LRP5: variants seen among roughly 807,000 people sequenced by gnomAD.
LRP5 encodes the protein LDL receptor related protein 5, also known as low-density lipoprotein receptor-related protein 5.
Under a neutral mutation model 154.1 loss-of-function variants are expected in LRP5, and 62 were observed. The ratio of observed to expected loss-of-function variants is 0.40; its 90% confidence interval spans 0.33 to 0.50. The LOEUF is 0.50. Ranked by LOEUF, LRP5 falls within the 20% of genes least tolerant of loss-of-function variation. The pLI is 0.55. For synonymous variants in LRP5, 966 were observed against 1,011.5 expected (o/e 0.96, Z 0.85); for missense variants, 1,915 against 2,336.7 (o/e 0.82, Z 3.72).
intron 1 of LRP5, among the ~76,000 whole-genome samples, chr11:68,347,313 C>T (rs2098613914): frequency 6.6e-6 from 1 of 152,200 alleles, no homozygotes; most frequent in African/African-American, 2.4e-5. Flanking sequence ...GGAAACGGGC[C>T]TGAGCTTGGA....
intron 13 of LRP5, among the ~76,000 whole-genome samples, chr11:68,422,665 T>C (rs2098666470): frequency 1.3e-5 from 2 of 152,068 alleles, no homozygotes; most frequent in Admixed American, 6.5e-5. Context: ...CGGAGAGTCC[T>C]TGAGAGTCAC....
At chr11:68,299,894 A>ATTTG in the LRP5 span, among the ~76,000 whole-genome samples, 12 of 146,488 alleles carry the variant, frequency 8.2e-5, 2 homozygotes, top group Admixed American at 7.5e-4. Flanking sequence ...TTTTTTGTTT[A>ATTTG]TTTGTTTGTT....
In LRP5 at chr11:68,342,213, C is replaced by T. The variant is rs151192551; in HGVS notation, c.92-5634C>T. On this transcript the variant is annotated intron_variant, in intron 1 of 22. Coordinates refer to ENST00000294304, the MANE Select transcript of LRP5 (RefSeq NM_002335.4). ...GGGATTATAGGTGTGAGCTACGGAG[C>T]CGGCCCTTCCCTTCTACTCTGCTAC... Among the ~76,000 whole-genome samples the T allele has an allele frequency of 3.3e-3, 505 of 152,220 alleles. 1 individual carries two copies. The highest frequency in any genetic ancestry group is 0.011 in the African/African-American group (472 of 41,536).
intron 18 of LRP5, among the ~76,000 whole-genome samples, chr11:68,436,527 C>T (rs548440183): frequency 5.3e-5 from 8 of 151,708 alleles, no homozygotes; most frequent in East Asian, 1.9e-4. Flanking sequence ...CGAGGCTCCT[C>T]GTGGCCATTC....
At position 68,357,739 on chromosome 11, in the gene LRP5, A is replaced by T. The variant is rs1399963722; in HGVS notation, c.578A>T (p.Asp193Val). ...ACCCGGAAGATCATTGTGGACTCGGACATTTACTGGCCCAATGGACTGACC... is the reference window on the plus strand; with the variant it reads ...ACCCGGAAGATCATTGTGGACTCGGTCATTTACTGGCCCAATGGACTGACC... ...GSTRKIIVDSDIYWPNGLTID... is the reference protein window; with the variant it reads ...GSTRKIIVDSVIYWPNGLTID... Residue 193 changes from aspartate (D) to valine (V), a missense_variant, in exon 3 of 23, where the codon GAC becomes GTC. Transcript: ENST00000294304. The T allele has an allele frequency of 6.2e-7, 1 of 1,614,178 alleles. No homozygotes were observed. The highest frequency in any genetic ancestry group is 1.1e-5 in the South Asian group (1 of 91,074).
chr11:68,407,028 T>G (rs1466076190), intron 9 of LRP5, among the ~76,000 whole-genome samples: 1 of 152,126 alleles, frequency 6.6e-6, no homozygotes, highest in Non-Finnish European at 1.5e-5. Flanking sequence ...TGTGAAATGC[T>G]TGTGTGAATG....
At chr11:68,318,296 C>T (rs1055342017) in intron 1 of LRP5, among the ~76,000 whole-genome samples, 5 of 151,170 alleles carry the variant, frequency 3.3e-5, no homozygotes, top group Admixed American at 6.6e-5. Context: ...TCCTCCCGCT[C>T]GGCTTCCCAA....
rs769234328 is a variant in LRP5 at position 68,426,010 on chromosome 11, A to G, written c.3460A>G (p.Ile1154Val). ...ANRLTLEDANIVQPLGLTILG... is the reference protein window; with the variant it reads ...ANRLTLEDANVVQPLGLTILG... ...CCGCCTGACCCTGGAGGACGCCAAC[A>G]TCGTGCAGCCTCTGGGCCTGACCAT... The change falls in exon 16 of 23, where the codon ATC becomes GTC. Residue 1154 changes from isoleucine to valine, a missense_variant. By Grantham distance (29) the Ile-to-Val change is conservative. Coordinates refer to ENST00000294304, the MANE Select transcript of LRP5 (RefSeq NM_002335.4). The G allele has an allele frequency of 1.9e-6, 3 of 1,612,926 alleles. No individual in the cohort carries two copies. The highest frequency in any genetic ancestry group is 1.1e-5 in the South Asian group (1 of 91,088).
chr11:68,348,101 G>C lies in LRP5; in HGVS notation c.346G>C (p.Asp116His), dbSNP rs778613031. ...GGTCTCTCCCGACGGCCTCGCCTGC[G>C]ACTGGGTGGGCAAGAAGCTGTACTG... is the stretch of plus-strand genomic sequence containing the variant. ...GLVSPDGLAC[D>H]WVGKKLYWTD... Residue 116 changes from aspartate to histidine, a missense_variant, in exon 2 of 23, where the codon GAC becomes CAC. Physicochemically the swap from Asp to His is moderately conservative, Grantham distance 81. Transcript: ENST00000294304. 1 of 1,614,102 alleles carries C rather than the reference G, an allele frequency of 6.2e-7. No individual in the cohort carries two copies. Among genetic ancestry groups the C allele is most frequent in the Admixed American group, 1.7e-5 (1 of 60,012 alleles).
At chr11:68,376,312 G>A (rs2153146704) in intron 5 of LRP5, among the ~76,000 whole-genome samples, 1 of 151,940 alleles carries the variant, frequency 6.6e-6, no homozygotes, top group East Asian at 1.9e-4. Context: ...CTCCCGAGTA[G>A]CTTGGACTAT....
chr11:68,388,470 C>T (rs961720774), intron 6 of LRP5, among the ~76,000 whole-genome samples: 5 of 152,084 alleles, frequency 3.3e-5, no homozygotes, highest in African/African-American at 7.2e-5. Context: ...GAGCTGGAAG[C>T]GGGAGGCAGA....
chr11:68,355,685 G>T (rs1181593831), intron 2 of LRP5, among the ~76,000 whole-genome samples: 3 of 152,244 alleles, frequency 2.0e-5, no homozygotes, highest in East Asian at 3.9e-4. Flanking sequence ...TGGTTCATTG[G>T]CCAGAGATCA....
At chr11:68,357,262 T>C (rs2098623886) in intron 2 of LRP5, among the ~76,000 whole-genome samples, 1 of 152,140 alleles carries the variant, frequency 6.6e-6, no homozygotes. Flanking sequence ...TACCACTAAA[T>C]AATATTCCAT....
intron 16 of LRP5, among the ~76,000 whole-genome samples, chr11:68,427,830 G>C (rs549325618): frequency 1.4e-4 from 22 of 152,284 alleles, no homozygotes; most frequent in African/African-American, 5.1e-4. Flanking sequence ...TTCCACCTGG[G>C]TGTGGTCAGC....
rs778882996 is a variant in LRP5 at position 68,438,658 on chromosome 11, G to A, written c.4324G>A (p.Gly1442Ser). The A allele has an allele frequency of 8.7e-6, 14 of 1,612,922 alleles. No homozygotes were observed. The highest frequency in any genetic ancestry group is 3.3e-4 in the Middle Eastern group (2 of 6,042). ...HVPLNFIAPG[G>S]SQHGPFTGIA... ...GCCCCTCAATTTCATAGCCCCGGGC[G>A]GTTCCCAGCATGGCCCCTTCACAGG... Residue 1442 changes from glycine (G) to serine (S), a missense_variant, in exon 20 of 23, where the codon GGT (glycine) becomes AGT (serine). Gly to Ser is a moderately conservative substitution (Grantham distance 56). This residue lies in a region of LRP5 where 1,094 missense variants were observed against 1,210.1 expected (regional missense o/e 0.90). Transcript: ENST00000294304.
intron 3 of LRP5, among the ~76,000 whole-genome samples, chr11:68,360,819 A>G (rs185434546): frequency 0.023 from 3,447 of 150,910 alleles, 137 homozygotes; most frequent in African/African-American, 0.08. Context: ...AACACGGTGA[A>G]ACCTCGTCTC....
At chr11:68,324,870 T>G (rs559297963) in intron 1 of LRP5, among the ~76,000 whole-genome samples, 1 of 152,124 alleles carries the variant, frequency 6.6e-6, no homozygotes, top group Admixed American at 6.5e-5. Context: ...TGATGAGAGA[T>G]CTCCAGGATC....
Position 68,426,034 on chromosome 11 carries a change from A to G in LRP5, c.3484A>G (p.Ile1162Val), listed in dbSNP as rs750114132. ...CATCGTGCAGCCTCTGGGCCTGACCATCCTTGGCAAGCATCTCTACTGGAT... is the reference window on the plus strand; with the variant it reads ...CATCGTGCAGCCTCTGGGCCTGACCGTCCTTGGCAAGCATCTCTACTGGAT... ...ANIVQPLGLT[I>V]LGKHLYWIDR... The change falls in exon 16 of 23, where the codon ATC (isoleucine) becomes GTC (valine). Residue 1162 changes from isoleucine to valine, a missense_variant. Physicochemically the swap from Ile to Val is conservative, Grantham distance 29. Around this residue, in one of 3 missense-constraint regions of LRP5, gnomAD observed 1,094 missense variants for 1,210.1 expected, o/e 0.90. Transcript: ENST00000294304. 13 of 1,613,510 alleles carry G rather than the reference A, an allele frequency of 8.1e-6. No homozygotes were observed. The highest frequency in any genetic ancestry group is 1.1e-5 in the South Asian group (1 of 91,084).
Position 68,411,553 on chromosome 11 carries a change from C to G in LRP5, c.2436C>G (p.Asp812Glu). ...GCCGGGCCAACGACCTCACCATTGA[C>G]TACGCTGACCAGCGCCTCTACTGGA... Reference protein sequence around the residue: ...KVGRANDLTIDYADQRLYWTD... With the variant: ...KVGRANDLTIEYADQRLYWTD... The change falls in exon 11 of 23, where the codon GAC becomes GAG. Residue 812 changes from aspartate to glutamate, a missense_variant. Transcript: ENST00000294304. The G allele has an allele frequency of 6.2e-7, 1 of 1,613,832 alleles. No individual in the cohort carries two copies. The highest frequency in any genetic ancestry group is 8.5e-7 in the Non-Finnish European group (1 of 1,180,040).
Sources: gnomAD v4.1 joint callset for allele counts (sites outside exome capture counted in the v4.1 genomes callset) on GRCh38, gnomAD v4.1.1 for gene constraint, gnomAD v4.1.1 regional missense constraint, MANE v1.5 for transcripts, NCBI Gene and HGNC (gene_info 2026-07-23, HGNC 2026-07-21) for gene names.